VWA8: variants seen among roughly 807,000 people sequenced by gnomAD.
VWA8 encodes the protein von Willebrand factor A domain containing 8.
VWA8 carries 221 observed loss-of-function variants against 241.5 expected under a neutral mutation model. That is an observed-to-expected ratio of 0.91 (90% CI 0.82 to 1.02). The LOEUF is 1.02. Among genes scored for constraint, VWA8 ranks in the 50% least tolerant of loss-of-function variants. VWA8 has a pLI of 0.00. For synonymous variants in VWA8, 852 were observed against 827.1 expected, an observed-to-expected ratio of 1.03 and a Z score of -0.52; for missense variants, 2,322 against 2,328.7, an observed-to-expected ratio of 1.00 and a Z score of 0.06.
intron 20 of VWA8, among the ~76,000 whole-genome samples, chr13:41,776,558 C>T (rs895591572): frequency 6.6e-6 from 1 of 152,084 alleles, no homozygotes; most frequent in Non-Finnish European, 1.5e-5. Context: ...AGTTTTAATT[C>T]TTGTTTTAAA....
At chr13:41,630,218 G>T (rs73464980) in intron 37 of VWA8, among the ~76,000 whole-genome samples, 5,037 of 152,096 alleles carry the variant, frequency 0.033, 282 homozygotes, top group African/African-American at 0.12. Flanking sequence ...TCCATGGTTT[G>T]TCTTGCAGAA....
intron 37 of VWA8, among the ~76,000 whole-genome samples, chr13:41,654,383 C>CT (rs1475196105): frequency 6.6e-6 from 1 of 152,168 alleles, no homozygotes; most frequent in Non-Finnish European, 1.5e-5. Flanking sequence ...CATGTGTCAC[C>CT]TAGTAGAGCA....
At chr13:41,667,309 T>A (rs2044993173) in intron 37 of VWA8, among the ~76,000 whole-genome samples, 1 of 152,234 alleles carries the variant, frequency 6.6e-6, no homozygotes, top group Non-Finnish European at 1.5e-5. Context: ...AAAGGGGGAA[T>A]AGACTAATAG....
intron 20 of VWA8, among the ~76,000 whole-genome samples, chr13:41,765,249 T>C (rs185945460): frequency 5.3e-5 from 8 of 152,298 alleles, no homozygotes; most frequent in Admixed American, 5.2e-4. Flanking sequence ...CTGCTTCCCA[T>C]ATCTGCTCCT....
At position 41,703,309 on chromosome 13, in the gene VWA8, G is replaced by A; in HGVS notation, c.3219C>T (p.Asp1073=). 2 of 1,613,084 alleles carry A rather than the reference G, an allele frequency of 1.2e-6. No individual in the cohort carries two copies. Among genetic ancestry groups the A allele is most frequent in the Non-Finnish European group, 1.7e-6 (2 of 1,179,156 alleles). Residue 1073 remains aspartate, a synonymous_variant, in exon 27 of 45, where the codon GAC becomes GAT. Transcript: ENST00000379310. ...GAATAATGATGATATCAACCTTTAT[G>A]TCTATATGATGAGTTTCCACTGGAC... The part of the protein sequence containing the change: ...LLCPVETHHI[D]IKGPALINIQ...
At chr13:41,798,772 T>G (rs141937581) in intron 17 of VWA8, among the ~76,000 whole-genome samples, 1 of 152,156 alleles carries the variant, frequency 6.6e-6, no homozygotes, top group Non-Finnish European at 1.5e-5. Flanking sequence ...CTATTAGACA[T>G]ATGTTGGATT....
At chr13:41,571,524 T>C (rs180919506) in intron 43 of VWA8, among the ~76,000 whole-genome samples, 2,185 of 152,200 alleles carry the variant, frequency 0.014, 53 homozygotes, top group African/African-American at 0.05. Context: ...GGTTTTTGCA[T>C]TTTTTGGTGG....
chr13:41,719,711 A>T lies in VWA8; in HGVS notation c.2996T>A (p.Val999Asp). The change falls in exon 26 of 45, where the codon GTT becomes GAT. Residue 999 changes from valine to aspartate, a missense_variant. By Grantham distance (152) the Val-to-Asp change is radical (BLOSUM62 -3). Coordinates refer to ENST00000379310, the MANE Select transcript of VWA8 (RefSeq NM_015058.2). The stretch of plus-strand genomic sequence containing the variant: ...GGAATCAAAGTCAAACACATTTCGA[A>T]CTACACTGGAGAGACCTTCAGTCGG... ...KFPTEGLSSV[V>D]RNVFDFDSYN... 1 of 1,612,934 alleles carries T rather than the reference A, an allele frequency of 6.2e-7. No individual in the cohort carries two copies. The highest frequency in any genetic ancestry group is 8.5e-7 in the Non-Finnish European group (1 of 1,179,338).
intron 43 of VWA8, among the ~76,000 whole-genome samples, chr13:41,572,792 A>G (rs1377302074): frequency 7.1e-6 from 1 of 140,686 alleles, no homozygotes; most frequent in Non-Finnish European, 1.5e-5. Context: ...ATGATCAATA[A>G]ATACTAAAAA....
intron 9 of VWA8, among the ~76,000 whole-genome samples, chr13:41,870,003 A>C (rs1271035175): frequency 1.3e-5 from 2 of 152,174 alleles, no homozygotes; most frequent in Non-Finnish European, 2.9e-5. Flanking sequence ...TAGATTTGGG[A>C]GGAAGAAAAT....
intron 4 of VWA8, among the ~76,000 whole-genome samples, chr13:41,897,255 C>T (rs540495382): frequency 1.3e-5 from 2 of 152,046 alleles, no homozygotes; most frequent in East Asian, 3.9e-4. Flanking sequence ...GGTAAAGGAT[C>T]TGAACAGACA....
intron 37 of VWA8, among the ~76,000 whole-genome samples, chr13:41,662,311 T>G (rs1421665857): frequency 6.6e-6 from 1 of 152,172 alleles, no homozygotes; most frequent in African/African-American, 2.4e-5. Context: ...TTGATTTCTT[T>G]CATTAATGTT....
At chr13:41,878,585 T>C (rs1293011241) in intron 9 of VWA8, among the ~76,000 whole-genome samples, 1 of 152,174 alleles carries the variant, frequency 6.6e-6, no homozygotes, top group Non-Finnish European at 1.5e-5. Flanking sequence ...GTTACAACTG[T>C]CCATTAACTA....
chr13:41,907,842 G>A (rs1875799584), intron 3 of VWA8, 146 bp from the exon 4 acceptor site: 2 of 640,600 alleles, frequency 3.1e-6, no homozygotes, highest in Non-Finnish European at 5.4e-6. Context: ...ATCTAAGTTT[G>A]AGAAAAAAGA....
At chr13:41,579,153 T>C (rs538329792) in intron 42 of VWA8, among the ~76,000 whole-genome samples, 5 of 152,236 alleles carry the variant, frequency 3.3e-5, no homozygotes, top group Non-Finnish European at 5.9e-5. Flanking sequence ...TGCTTTATTA[T>C]GCGGCCACAT....
intron 12 of VWA8, among the ~76,000 whole-genome samples, chr13:41,838,562 A>G (rs1164592489): frequency 1.3e-5 from 2 of 152,196 alleles, no homozygotes; most frequent in Non-Finnish European, 2.9e-5. Flanking sequence ...ACAGTTTCAG[A>G]AAGTATTTAA....
At chr13:41,724,411 T>C (rs1446696841) in intron 24 of VWA8, among the ~76,000 whole-genome samples, 1 of 152,136 alleles carries the variant, frequency 6.6e-6, no homozygotes, top group Non-Finnish European at 1.5e-5. Context: ...AATAGCCTGA[T>C]TGCAGATGGG....
At chr13:41,792,675 A>G (rs927483574) in intron 17 of VWA8, among the ~76,000 whole-genome samples, 4 of 151,988 alleles carry the variant, frequency 2.6e-5, no homozygotes, top group African/African-American at 9.7e-5. Flanking sequence ...ATTATATCTA[A>G]ATATCAACTT....
At chr13:41,782,726 A>G (rs1868943799) in intron 19 of VWA8, among the ~76,000 whole-genome samples, 1 of 151,952 alleles carries the variant, frequency 6.6e-6, no homozygotes, top group Non-Finnish European at 1.5e-5. Context: ...AGTTAATATA[A>G]CTTAAAATAT....
Sources: gnomAD v4.1 joint callset for allele counts (sites outside exome capture counted in the v4.1 genomes callset) on GRCh38, gnomAD v4.1.1 for gene constraint, MANE v1.5 for transcripts, NCBI Gene and HGNC (gene_info 2026-07-23, HGNC 2026-07-21) for gene names.